The following MMP16 variants were observed in gnomAD, a reference collection of about 807,000 sequenced individuals.
The protein encoded by MMP16 is matrix metalloproteinase-16.
MMP16 carries 12 observed loss-of-function variants against 67.8 expected under a neutral mutation model. The ratio of observed to expected loss-of-function variants is 0.18; its 90% CI spans 0.11 to 0.29. The LOEUF is 0.29. MMP16 is among the 10% of genes least tolerant of loss of function. The probability of loss-of-function intolerance (pLI) is 1.00; values close to 1 mark genes in which losing one functional copy is unlikely to be tolerated. For synonymous variants in MMP16, 249 were observed against 255.9 expected, an observed-to-expected ratio of 0.97 and a Z score of 0.26; for missense variants, 475 against 765.7, an observed-to-expected ratio of 0.62 and a Z score of 4.48.
chr8:88,326,767 C>T, intron 1 of MMP16: 1 of 243,978 alleles, frequency 4.1e-6, no homozygotes, highest in South Asian at 7.0e-5. Flanking sequence ...ACTCAAGCTG[C>T]CTTATTTAGC....
chr8:88,161,513 A>G (rs1808623114), intron 4 of MMP16, among the ~76,000 whole-genome samples: 1 of 152,176 alleles, frequency 6.6e-6, no homozygotes, highest in East Asian at 1.9e-4. Context: ...TCCTGGATTC[A>G]TTAATTTTTT....
At chr8:88,258,758 C>A (rs137993409) in intron 1 of MMP16, among the ~76,000 whole-genome samples, 132 of 152,226 alleles carry the variant, frequency 8.7e-4, no homozygotes, top group African/African-American at 2.6e-3. Flanking sequence ...TCGCCTATCT[C>A]AATAACTTAG....
At chr8:88,160,386 G>A (rs1047056101) in intron 4 of MMP16, among the ~76,000 whole-genome samples, 7 of 151,796 alleles carry the variant, frequency 4.6e-5, no homozygotes, top group African/African-American at 1.7e-4. Context: ...GGACATTTGG[G>A]TTGGTTCCAA....
chr8:88,239,804 C>A (rs961056252), intron 1 of MMP16, among the ~76,000 whole-genome samples: 2 of 152,080 alleles, frequency 1.3e-5, no homozygotes, highest in African/African-American at 4.8e-5. Flanking sequence ...AAATAAAAGT[C>A]AAAAATTAAC....
rs116773473 is a variant in MMP16, at chr8:88,114,877, T to C, written c.1083+1630A>G. On this transcript the variant is annotated intron_variant, in intron 6 of 9. Transcript: ENST00000286614. ...GGAAATAGCAGCTATTGCATTCTACTTGAGAGTCTGATCCATGTACTTTTT... is the reference window on the plus strand; with the variant it reads ...GGAAATAGCAGCTATTGCATTCTACCTGAGAGTCTGATCCATGTACTTTTT... Among the ~76,000 whole-genome samples the C allele has an allele frequency of 5.3e-3, 811 of 152,062 alleles. 8 individuals carry two copies. The highest frequency in any genetic ancestry group is 0.019 in the African/African-American group (779 of 41,530).
chr8:88,202,852 C>A (rs76280506), intron 1 of MMP16, among the ~76,000 whole-genome samples: 1 of 151,830 alleles, frequency 6.6e-6, no homozygotes, highest in African/African-American at 2.4e-5. Flanking sequence ...ACAGTAAAAT[C>A]CCCCTCAAAT....
At chr8:88,229,304 G>A (rs1458656970) in intron 1 of MMP16, among the ~76,000 whole-genome samples, 1 of 152,056 alleles carries the variant, frequency 6.6e-6, no homozygotes, top group African/African-American at 2.4e-5. Flanking sequence ...AAATAAGAAT[G>A]CAGTTCTGTG....
At chr8:88,295,965 C>G (rs118135158) in intron 1 of MMP16, among the ~76,000 whole-genome samples, 2,529 of 152,140 alleles carry the variant, frequency 0.017, 36 homozygotes, top group Non-Finnish European at 0.022. Context: ...CAAATAAAAG[C>G]TTAGATATAA....
chr8:88,056,521 AATTT>A (rs1187133709), intron 7 of MMP16, among the ~76,000 whole-genome samples: 1 of 151,984 alleles, frequency 6.6e-6, no homozygotes, highest in African/African-American at 2.4e-5. Context: ...ATATAACCAA[AATTT>A]GTGAGTGAAT....
intron 1 of MMP16, among the ~76,000 whole-genome samples, chr8:88,219,254 A>G (rs1027735118): frequency 6.6e-6 from 1 of 152,022 alleles, no homozygotes; most frequent in African/African-American, 2.4e-5. Flanking sequence ...TGGAAGAAGG[A>G]GCATCGCACA....
At chr8:88,078,839 A>C (rs188533373) in intron 6 of MMP16, among the ~76,000 whole-genome samples, 160 of 152,304 alleles carry the variant, frequency 1.1e-3, no homozygotes, top group African/African-American at 3.6e-3. Flanking sequence ...TCTAGCAGTC[A>C]CCAGTTGTTC....
intron 4 of MMP16, among the ~76,000 whole-genome samples, chr8:88,144,914 T>C (rs1808266803): frequency 6.6e-6 from 1 of 151,998 alleles, no homozygotes; most frequent in South Asian, 2.1e-4. Context: ...TTGGGTCAGA[T>C]GGAGTTAACA....
At chr8:88,211,679 T>A (rs565114410) in intron 1 of MMP16, among the ~76,000 whole-genome samples, 39 of 152,298 alleles carry the variant, frequency 2.6e-4, no homozygotes, top group Non-Finnish European at 3.4e-4. Flanking sequence ...GGCTCTCTTT[T>A]ACTTATACTT....
At chr8:88,111,581 C>T (rs1809338212) in intron 6 of MMP16, among the ~76,000 whole-genome samples, 1 of 151,586 alleles carries the variant, frequency 6.6e-6, no homozygotes, top group South Asian at 2.1e-4. Flanking sequence ...GATCATGTAG[C>T]CTTGTGAGCA....
At chr8:88,120,987 C>A (rs1249339082) in intron 4 of MMP16, among the ~76,000 whole-genome samples, 1 of 151,320 alleles carries the variant, frequency 6.6e-6, no homozygotes, top group Non-Finnish European at 1.5e-5. Context: ...TGCTTTCAGT[C>A]AAAACTAAAA....
Position 88,041,884 on chromosome 8 carries a change from A to C in MMP16, c.1490-89T>G, listed in dbSNP as rs1469283458. 20 of 992,990 alleles carry C rather than the reference A, an allele frequency of 2.0e-5. No homozygotes were observed. The highest frequency in any genetic ancestry group is 2.8e-5 in the Non-Finnish European group (19 of 676,860). The allele number at this position is 992,990 out of a possible 1,614,324, so 61.5% of individuals were successfully genotyped here. ...ATGTTACTAAAATAGGCTATGTCTTAAGAGATGTATTTTAAGGCCCTTTAA... is the reference window on the plus strand; with the variant it reads ...ATGTTACTAAAATAGGCTATGTCTTCAGAGATGTATTTTAAGGCCCTTTAA... On this transcript the variant is annotated intron_variant, in intron 9 of 9. Coordinates refer to ENST00000286614, the MANE Select transcript of MMP16 (RefSeq NM_005941.5). The surrounding 1 kb of genome is among the most constrained non-coding windows in gnomAD (Gnocchi z 6.0).
At chr8:88,090,665 T>C (rs1008220527) in intron 6 of MMP16, among the ~76,000 whole-genome samples, 2 of 151,862 alleles carry the variant, frequency 1.3e-5, no homozygotes, top group African/African-American at 4.8e-5. Flanking sequence ...AAAATTACTT[T>C]AATATTACTG....
intron 1 of MMP16, among the ~76,000 whole-genome samples, chr8:88,223,718 C>G (rs1809723357): frequency 6.8e-6 from 1 of 148,116 alleles, no homozygotes; most frequent in Admixed American, 6.7e-5. Context: ...GGAGGGATAG[C>G]ATTAGGAGAT....
intron 1 of MMP16, among the ~76,000 whole-genome samples, chr8:88,300,207 T>C (rs1159077139): frequency 1.3e-5 from 2 of 152,226 alleles, no homozygotes; most frequent in Non-Finnish European, 2.9e-5. Context: ...TCCTATTGTC[T>C]ACTCTTCTAT....
Sources: gnomAD v4.1 joint callset for allele counts (sites outside exome capture counted in the v4.1 genomes callset) on GRCh38, gnomAD v4.1.1 for gene constraint, Gnocchi (gnomAD v3.1) non-coding constraint, MANE v1.5 for transcripts, NCBI Gene and HGNC (gene_info 2026-07-23, HGNC 2026-07-21) for gene names.